HNRNPD: variants seen among roughly 807,000 people sequenced by gnomAD.
HNRNPD encodes heterogeneous nuclear ribonucleoprotein D0.
A neutral mutation model predicts 47.9 loss-of-function variants in HNRNPD; 3 were observed. The ratio of observed to expected loss-of-function variants is 0.06; its 90% CI spans 0.03 to 0.16. The LOEUF (loss-of-function observed/expected upper bound fraction) is 0.16. HNRNPD is among the 10% of genes least tolerant of loss of function. The probability of loss-of-function intolerance (pLI) is 1.00; values close to 1 mark genes in which losing one functional copy is unlikely to be tolerated. For missense variants in HNRNPD, 287 were observed against 454.2 expected, an observed-to-expected ratio of 0.63 and a Z score of 3.35; for synonymous variants, 171 against 165.1, an observed-to-expected ratio of 1.04 and a Z score of -0.28.
At chr4:82,357,829 C>G (rs1243064606) in intron 4 of HNRNPD, 1 of 157,206 alleles carries the variant, frequency 6.4e-6, no homozygotes, top group Admixed American at 6.3e-5. Context: ...AGAGCATATG[C>G]CCAAACCAAG....
chr4:82,370,458 A>C (rs1204004384), intron 2 of HNRNPD, among the ~76,000 whole-genome samples: 1 of 152,184 alleles, frequency 6.6e-6, no homozygotes, highest in Non-Finnish European at 1.5e-5. Flanking sequence ...CTAGCAGTGA[A>C]ATTGAGCTGC....
In HNRNPD at chr4:82,373,575, T is replaced by C. The variant is rs1431578471; in HGVS notation, c.104A>G (p.Gln35Arg). The C allele has an allele frequency of 6.5e-7, 1 of 1,535,014 alleles. No homozygotes were observed. The highest frequency in any genetic ancestry group is 1.4e-5 in the African/African-American group (1 of 70,760). ...EQEGAMVAATQGAAAAAGSGA... is the reference protein window; with the variant it reads ...EQEGAMVAATRGAAAAAGSGA... Reference sequence around the variant, plus strand: ...GCTTCCCGCCGCCGCCGCTGCCCCCTGTGTCGCCGCCACCATGGCTCCCTC... The same window carrying C: ...GCTTCCCGCCGCCGCCGCTGCCCCCCGTGTCGCCGCCACCATGGCTCCCTC... The change falls in exon 1 of 9, where the codon CAG (glutamine) becomes CGG (arginine). Residue 35 changes from glutamine (Q) to arginine (R), a missense_variant. Gln to Arg is a conservative substitution (Grantham distance 43). This residue lies in a region of HNRNPD where 161 missense variants were observed against 137.1 expected (regional missense o/e 1.17). Coordinates refer to ENST00000313899, the MANE Select transcript of HNRNPD (RefSeq NM_031370.3).
At position 82,373,548 on chromosome 4, in the gene HNRNPD, C is replaced by A; in HGVS notation, c.131G>T (p.Gly44Val). 6.5e-7 allele frequency: 1 copy of A among 1,540,154 alleles called. No individual in the cohort carries two copies. Among genetic ancestry groups the A allele is most frequent in the Admixed American group, 2.0e-5 (1 of 50,118 alleles). The change falls in exon 1 of 9, where the codon GGA (glycine) becomes GTA (valine). Residue 44 changes from glycine to valine, a missense_variant. This residue lies in a region of HNRNPD where 161 missense variants were observed against 137.1 expected (regional missense o/e 1.17). Coordinates refer to ENST00000313899, the MANE Select transcript of HNRNPD (RefSeq NM_031370.3). Reference protein sequence around the residue: ...TQGAAAAAGSGAGTGGGTASG... With the variant: ...TQGAAAAAGSVAGTGGGTASG... ...CGCGGTTCCGCCCCCGGTCCCGGCT[C>A]CGCTTCCCGCCGCCGCCGCTGCCCC...
intron 8 of HNRNPD, chr4:82,355,022 A>G (rs886799890): frequency 5.0e-6 from 2 of 397,530 alleles, no homozygotes; most frequent in Non-Finnish European, 9.1e-6. Context: ...CAAACAAGGT[A>G]TAATGTCAGA....
intron 4 of HNRNPD, 154 bp downstream of exon 4, chr4:82,358,505 C>T: frequency 1.5e-6 from 1 of 650,058 alleles, no homozygotes; most frequent in Non-Finnish European, 2.6e-6. Context: ...CTTCAAAGAC[C>T]TGCTAATGAA....
intron 8 of HNRNPD, 126 bp downstream of exon 8, chr4:82,355,178 A>G (rs1723663805): frequency 3.1e-6 from 2 of 649,784 alleles, no homozygotes; most frequent in Non-Finnish European, 5.4e-6. Flanking sequence ...GAAAGTCACT[A>G]TGTTATAATA....
At chr4:82,355,684 G>C (rs1043592012) in intron 7 of HNRNPD, 1 of 416,756 alleles carries the variant, frequency 2.4e-6, no homozygotes, top group Non-Finnish European at 4.2e-6. Flanking sequence ...AGGATGGACA[G>C]CTGACCCTTT....
chr4:82,366,169 C>T (rs974627706), intron 2 of HNRNPD, among the ~76,000 whole-genome samples: 2 of 152,154 alleles, frequency 1.3e-5, no homozygotes, highest in African/African-American at 2.4e-5. Flanking sequence ...CATTACTTCA[C>T]ACTTTAGAAT....
At chr4:82,363,251 T>C (rs1422813838) in intron 2 of HNRNPD, among the ~76,000 whole-genome samples, 1 of 151,768 alleles carries the variant, frequency 6.6e-6, no homozygotes, top group African/African-American at 2.4e-5. Context: ...TAATTTTTTT[T>C]TGCACTTTTA....
chr4:82,370,225 A>G (rs1719968996), intron 2 of HNRNPD, among the ~76,000 whole-genome samples: 1 of 152,230 alleles, frequency 6.6e-6, no homozygotes, highest in African/African-American at 2.4e-5. Context: ...AACTATGAAT[A>G]TAAACATTTC....
intron 7 of HNRNPD, 45 bp from the exon 8 acceptor site, chr4:82,355,446 A>G (rs1360416431): frequency 1.5e-6 from 2 of 1,344,036 alleles, no homozygotes; most frequent in Non-Finnish European, 2.1e-6. Context: ...GTGGTTACAT[A>G]CTAATAATCA....
At position 82,373,660 on chromosome 4, in the gene HNRNPD, C is replaced by G. The variant is rs1288198192; in HGVS notation, c.19G>C (p.Gly7Arg). 2.2e-5 allele frequency: 33 copies of G among 1,528,798 alleles called. No homozygotes were observed. The highest frequency in any genetic ancestry group is 2.8e-5 in the Non-Finnish European group (32 of 1,144,292). 94.7% of individuals were successfully genotyped at this position (1,528,798 alleles called of 1,614,324 possible). A position where few individuals can be genotyped will look rare whatever the true frequency, so the allele number is the denominator to read the frequency against. The change falls in exon 1 of 9, where the codon GGC becomes CGC. Residue 7 changes from glycine to arginine, a missense_variant. By Grantham distance (125) the Gly-to-Arg change is moderately radical. Transcript: ENST00000313899. MSEEQF[G>R]GDGAAAAATA... The stretch of plus-strand genomic sequence containing the variant: ...GCCGCTGCCGCCGCCCCGTCCCCGC[C>G]GAACTGCTCCTCCGACATAGTGCTA...
chr4:82,371,979 C>T (rs1720067632), intron 1 of HNRNPD, among the ~76,000 whole-genome samples: 1 of 152,158 alleles, frequency 6.6e-6, no homozygotes, highest in African/African-American at 2.4e-5. Flanking sequence ...TGACAAGAAT[C>T]TGCCTAGGCT....
chr4:82,370,744 A>G (rs115281226), intron 2 of HNRNPD, among the ~76,000 whole-genome samples: 1 of 152,204 alleles, frequency 6.6e-6, no homozygotes, highest in Non-Finnish European at 1.5e-5. Flanking sequence ...GTGGTGTATA[A>G]ACCCCTGAAA....
intron 3 of HNRNPD, 82 bp from the exon 4 acceptor site, chr4:82,358,902 T>A (rs1401529624): frequency 1.6e-5 from 16 of 994,946 alleles, no homozygotes; most frequent in Non-Finnish European, 1.9e-5. Flanking sequence ...AAAATAACTA[T>A]AAATACAGAT....
intron 2 of HNRNPD, 25 bp from the exon 3 acceptor site, chr4:82,359,664 A>C: frequency 6.8e-7 from 1 of 1,478,120 alleles, no homozygotes; most frequent in Non-Finnish European, 9.2e-7. Context: ...AGCAGTATTA[A>C]AATGCTTAAA....
At chr4:82,373,177 A>C in intron 1 of HNRNPD, 2 of 653,832 alleles carry the variant, frequency 3.1e-6, no homozygotes, top group African/African-American at 1.8e-5. Context: ...ACCCATGGCG[A>C]GGGAGGAAAG....
chr4:82,357,785 AG>A (rs1336984366), intron 4 of HNRNPD: 5 of 175,328 alleles, frequency 2.9e-5, no homozygotes, highest in African/African-American at 1.2e-4. Context: ...GAGAGAAAAC[AG>A]GAAGTAGGGT....
intron 2 of HNRNPD, among the ~76,000 whole-genome samples, chr4:82,368,969 G>GT (rs1332842595): frequency 6.6e-6 from 1 of 152,152 alleles, no homozygotes; most frequent in Non-Finnish European, 1.5e-5. Context: ...CTACTGTCCT[G>GT]TTATTAAAGA....
Sources: gnomAD v4.1 joint callset for allele counts (sites outside exome capture counted in the v4.1 genomes callset) on GRCh38, gnomAD v4.1.1 for gene constraint, gnomAD v4.1.1 regional missense constraint, MANE v1.5 for transcripts, NCBI Gene and HGNC (gene_info 2026-07-23, HGNC 2026-07-21) for gene names.